MEI4: variants seen among roughly 807,000 people sequenced by gnomAD.
MEI4 encodes meiosis-specific protein MEI4.
MEI4 carries 27 observed loss-of-function variants against 31.4 expected under a neutral mutation model. That is an observed-to-expected ratio of 0.86 (90% confidence interval 0.63 to 1.19). The LOEUF (loss-of-function observed/expected upper bound fraction) is 1.19, where lower values mean the gene tolerates loss of function less well. Among genes scored for constraint, MEI4 ranks in the 50% most tolerant of loss-of-function variants. MEI4 has a pLI of 0.00. For missense variants in MEI4, 329 were observed against 398.9 expected, an observed-to-expected ratio of 0.82 and a Z score of 1.49; for synonymous variants, 122 against 145.4, an observed-to-expected ratio of 0.84 and a Z score of 1.16.
intron 4 of MEI4, among the ~76,000 whole-genome samples, chr6:77,872,702 G>C (rs1771225310): frequency 6.8e-6 from 1 of 146,028 alleles, no homozygotes; most frequent in African/African-American, 2.5e-5. Flanking sequence ...TTAGCATTAG[G>C]TATATCTCCT....
At chr6:77,837,465 C>T (rs1770247096) in intron 4 of MEI4, among the ~76,000 whole-genome samples, 1 of 152,084 alleles carries the variant, frequency 6.6e-6, no homozygotes, top group Non-Finnish European at 1.5e-5. Flanking sequence ...GGAGACAGAC[C>T]CAGACAAACA....
chr6:77,761,614 AT>A lies in MEI4; in HGVS notation c.720del (p.Phe240LeufsTer10). The A allele has an allele frequency of 1.6e-6, 2 of 1,231,972 alleles. No homozygotes were observed. Among genetic ancestry groups the A allele is most frequent in the Non-Finnish European group, 2.0e-6 (2 of 987,832 alleles). The allele number at this position is 1,231,972 out of a possible 1,614,324, so 76.3% of individuals were successfully genotyped here. A position where few individuals can be genotyped will look rare whatever the true frequency, so the allele number is the denominator to read the frequency against. The part of the protein sequence containing the change: ...LKKCSKKLEE[F>X]EKTLLHAILG... ...AAAAGTGTTCCAAGAAGTTGGAAGA[AT>A]TTGAGAAAACCCTACTACATGCTAT... On this transcript the variant is annotated frameshift_variant, in exon 3 of 5. Coordinates refer to ENST00000684080, the MANE Select transcript of MEI4 (RefSeq NM_001322247.2). LOFTEE classifies it high-confidence loss of function.
intron 3 of MEI4, among the ~76,000 whole-genome samples, chr6:77,785,968 T>C (rs547747202): frequency 3.2e-4 from 49 of 152,258 alleles, no homozygotes; most frequent in Non-Finnish European, 5.6e-4. Context: ...TAGTTTTGAA[T>C]GAATGCCACA....
intron 2 of MEI4, among the ~76,000 whole-genome samples, chr6:77,692,582 A>G (rs753215347): frequency 3.3e-5 from 5 of 152,098 alleles, no homozygotes; most frequent in Non-Finnish European, 7.4e-5. Flanking sequence ...AGTGAGAAAT[A>G]AAAGGACAGA....
rs1769141142 is a variant in MEI4, at chr6:77,690,643, C to A, written c.-14-15C>A. On this transcript the variant is annotated splice_polypyrimidine_tract_variant and intron_variant, in intron 1 of 4. Coordinates refer to ENST00000684080, the MANE Select transcript of MEI4 (RefSeq NM_001322247.2). ...TAAAAAGAATTTCTATAACTTTTTT[C>A]TTATTAAATGATAGGGACAAAAGCC... 1.7e-6 allele frequency: 2 copies of A among 1,165,306 alleles called. No homozygotes were observed. Among genetic ancestry groups the A allele is most frequent in the South Asian group, 4.4e-5 (1 of 22,910 alleles). The allele number at this position is 1,165,306 out of a possible 1,614,324, so 72.2% of individuals were successfully genotyped here.
chr6:77,740,622 G>A lies in MEI4; in HGVS notation c.233-20508G>A, dbSNP rs184543676. ...GCATAAACATTGCTTTTAAGTAGTC[G>A]AATTTAAGGCATCAGTATATGTGAG... On this transcript the variant is annotated intron_variant, in intron 2 of 4. Transcript: ENST00000684080. Among the ~76,000 whole-genome samples the A allele has an allele frequency of 1.7e-3, 258 of 152,042 alleles. 2 individuals are homozygous for A. The highest frequency in any genetic ancestry group is 5.9e-3 in the African/African-American group (243 of 41,472).
chr6:77,686,600 T>C (rs1769058753), intron 1 of MEI4, among the ~76,000 whole-genome samples: 1 of 152,148 alleles, frequency 6.6e-6, no homozygotes, highest in Non-Finnish European at 1.5e-5. Flanking sequence ...AGTTGAGTTA[T>C]ATGATATATC....
At chr6:77,912,315 T>C (rs1766451357) in intron 4 of MEI4, among the ~76,000 whole-genome samples, 1 of 152,090 alleles carries the variant, frequency 6.6e-6, no homozygotes, top group African/African-American at 2.4e-5. Context: ...TTGGGCTCCT[T>C]TTTGTTTCCA....
intron 2 of MEI4, among the ~76,000 whole-genome samples, chr6:77,755,500 C>A (rs1767891726): frequency 6.6e-6 from 1 of 151,960 alleles, no homozygotes; most frequent in South Asian, 2.1e-4. Flanking sequence ...TTTACTGAAA[C>A]CTCCACCTCC....
chr6:77,706,633 G>C (rs1766338983), intron 2 of MEI4, among the ~76,000 whole-genome samples: 1 of 152,138 alleles, frequency 6.6e-6, no homozygotes, highest in African/African-American at 2.4e-5. Context: ...TGTTGGAGGT[G>C]GGCCTAGTGG....
intron 3 of MEI4, among the ~76,000 whole-genome samples, chr6:77,805,530 T>C (rs1219462565): frequency 6.6e-6 from 1 of 152,180 alleles, no homozygotes; most frequent in Admixed American, 6.5e-5. Context: ...AATTCTACTT[T>C]CTATTCAATT....
intron 4 of MEI4, among the ~76,000 whole-genome samples, chr6:77,863,677 C>T (rs1421794682): frequency 6.6e-6 from 1 of 152,176 alleles, no homozygotes; most frequent in Admixed American, 6.5e-5. Flanking sequence ...TCCAGGAGAA[C>T]TTCCCCAATC....
intron 2 of MEI4, among the ~76,000 whole-genome samples, chr6:77,739,569 CAG>C (rs1399664455): frequency 1.3e-5 from 2 of 151,926 alleles, no homozygotes; most frequent in Admixed American, 6.6e-5. Context: ...CTGGGCCTGT[CAG>C]GGGGTGGGGA....
chr6:77,734,034 A>T (rs1767099628), intron 2 of MEI4, among the ~76,000 whole-genome samples: 1 of 151,568 alleles, frequency 6.6e-6, no homozygotes, highest in African/African-American at 2.4e-5. Flanking sequence ...TGCTGAGGAG[A>T]GCTTTACTTC....
intron 4 of MEI4, among the ~76,000 whole-genome samples, chr6:77,835,373 A>AACACACAC (rs149668655): frequency 2.4e-4 from 23 of 96,804 alleles, no homozygotes; most frequent in African/African-American, 4.9e-4. Context: ...AACAAAACAA[A>AACACACAC]ACACACACAC....
rs75837666 is a variant in MEI4 at position 77,897,615 on chromosome 6, T to C, written c.901-25474T>C. Reference sequence around the variant, plus strand: ...AAGGGTAAAATGTCAAGATCCAAAATACTAACAGTTTTAGAACTTTTCATC... The same window carrying C: ...AAGGGTAAAATGTCAAGATCCAAAACACTAACAGTTTTAGAACTTTTCATC... On this transcript the variant is annotated intron_variant, in intron 4 of 4. Transcript: ENST00000684080. 4.5e-3 allele frequency among the ~76,000 whole-genome samples: 682 copies of C among 152,072 alleles called. 3 individuals are homozygous for C. Among genetic ancestry groups the C allele is most frequent in the African/African-American group, 0.014 (565 of 41,546 alleles).
rs557346856 is a variant in MEI4, at chr6:77,770,051, G to A, written c.768+8386G>A. 2.3e-4 allele frequency among the ~76,000 whole-genome samples: 35 copies of A among 151,754 alleles called. 1 individual carries two copies. The highest frequency in any genetic ancestry group is 1.5e-3 in the Admixed American group (23 of 15,202). ...GGGGTAGAGCACCAAGAGAGCACCT[G>A]GGATAAACAAAATCAAAAAACCTTT... On this transcript the variant is annotated intron_variant, in intron 3 of 4. Transcript: ENST00000684080.
intron 2 of MEI4, among the ~76,000 whole-genome samples, chr6:77,706,061 C>T (rs1306806943): frequency 2.0e-5 from 3 of 152,262 alleles, no homozygotes; most frequent in African/African-American, 7.2e-5. Flanking sequence ...ACCTTCTCCC[C>T]TTCTTTCTCC....
intron 4 of MEI4, among the ~76,000 whole-genome samples, chr6:77,921,913 C>A (rs1766712244): frequency 6.6e-6 from 1 of 151,626 alleles, no homozygotes; most frequent in Non-Finnish European, 1.5e-5. Flanking sequence ...ATCACTGTAA[C>A]AGATAAAGTA....
Sources: allele counts gnomAD v4.1 joint callset (sites outside exome capture counted in the v4.1 genomes callset), GRCh38; gene constraint gnomAD v4.1.1; transcripts MANE v1.5; gene names NCBI Gene and HGNC (gene_info 2026-07-23, HGNC 2026-07-21).